The following RAD54L2 variants were observed in gnomAD, a reference collection of about 807,000 sequenced individuals.
RAD54L2 encodes RAD54 like 2.
Under a neutral mutation model 138.4 loss-of-function variants are expected in RAD54L2, and 27 were observed. The observed-to-expected ratio is 0.20, with a 90% CI of 0.14 to 0.27. The LOEUF is 0.27. RAD54L2 is among the 10% of genes least tolerant of loss of function. The pLI, the probability that RAD54L2 is intolerant of heterozygous loss-of-function variation, is 1.00. For synonymous variants in RAD54L2, 644 were observed against 723.2 expected, an observed-to-expected ratio of 0.89 and a Z score of 1.76; for missense variants, 1,396 against 1,890.2, an observed-to-expected ratio of 0.74 and a Z score of 4.85.
chr3:51,651,715 G>T (rs1701441790), intron 19 of RAD54L2, among the ~76,000 whole-genome samples: 1 of 152,146 alleles, frequency 6.6e-6, no homozygotes, highest in South Asian at 2.1e-4. Context: ...ATGCAGAAAA[G>T]GCATTCGACA....
intron 2 of RAD54L2, among the ~76,000 whole-genome samples, chr3:51,587,307 T>C (rs1577405399): frequency 1.3e-5 from 2 of 151,944 alleles, no homozygotes; most frequent in East Asian, 3.9e-4. Context: ...TTCACACGTG[T>C]TAGCCAGGAT....
intron 6 of RAD54L2, 141 bp from the exon 7 acceptor site, chr3:51,630,562 AAG>A: frequency 1.0e-6 from 1 of 979,010 alleles, no homozygotes. Flanking sequence ...TTGAAGCTGA[AAG>A]AGAGAAATAG....
At chr3:51,561,607 C>T (rs1699100956) in intron 2 of RAD54L2, among the ~76,000 whole-genome samples, 1 of 151,766 alleles carries the variant, frequency 6.6e-6, no homozygotes, top group Non-Finnish European at 1.5e-5. Flanking sequence ...TTTTGCCCAC[C>T]CTGGAGTGCA....
intron 2 of RAD54L2, among the ~76,000 whole-genome samples, chr3:51,565,836 C>CCT (rs1559618927): frequency 3.6e-4 from 49 of 136,000 alleles, no homozygotes; most frequent in Non-Finnish European, 4.6e-4. Context: ...CCACCCCCCC[C>CCT]TTTTTTTTTT....
chr3:51,635,724 A>G lies in RAD54L2; in HGVS notation c.1274A>G (p.Lys425Arg), dbSNP rs1700969055. ...GCCACAGGTAGACCGAAGAAAACCA[A>G]GAAGCGTTCTCACCCAGTCATCATT... ...SFATGRPKKT[K>R]KRSHPVIIDL... Residue 425 changes from lysine (K) to arginine (R), a missense_variant, in exon 10 of 23, where the codon AAG (lysine) becomes AGG (arginine). Physicochemically the swap from Lys to Arg is conservative, Grantham distance 26. Around this residue, in one of 7 missense-constraint regions of RAD54L2, gnomAD observed 169 missense variants for 235.6 expected, o/e 0.72. Coordinates refer to ENST00000684192, the MANE Select transcript of RAD54L2 (RefSeq NM_015106.4). 1.2e-6 allele frequency: 2 copies of G among 1,613,762 alleles called. No individual in the cohort carries two copies. Among genetic ancestry groups the G allele is most frequent in the East Asian group, 2.2e-5 (1 of 44,888 alleles).
rs1176963332 is a variant in RAD54L2 at position 51,628,900 on chromosome 3, G to C, written c.342-434G>C. Reference sequence around the variant, plus strand: ...CTGGCTAATTTTTGTATTTTTAGTAGAGACGGGGTTTTGCCGTGTTAGCCA... The same window carrying C: ...CTGGCTAATTTTTGTATTTTTAGTACAGACGGGGTTTTGCCGTGTTAGCCA... On this transcript the variant is annotated intron_variant, in intron 4 of 22. Transcript: ENST00000684192. Among the ~76,000 whole-genome samples, 4 of 151,860 alleles carry C rather than the reference G, an allele frequency of 2.6e-5. No individual in the cohort carries two copies. In the East Asian group the frequency reaches 5.8e-4, roughly 22 times the overall value.
At chr3:51,563,563 A>T (rs1699146167) in intron 2 of RAD54L2, among the ~76,000 whole-genome samples, 1 of 152,222 alleles carries the variant, frequency 6.6e-6, no homozygotes, top group Non-Finnish European at 1.5e-5. Flanking sequence ...GCATTTTAGT[A>T]GAAGGACCTC....
chr3:51,623,727 G>C (rs955450005), intron 3 of RAD54L2, among the ~76,000 whole-genome samples: 1 of 152,150 alleles, frequency 6.6e-6, no homozygotes, highest in Non-Finnish European at 1.5e-5. Context: ...TGTAATCCCA[G>C]CACTTTGGGA....
intron 2 of RAD54L2, among the ~76,000 whole-genome samples, chr3:51,580,888 A>G (rs1304925555): frequency 6.6e-6 from 1 of 152,198 alleles, no homozygotes; most frequent in Non-Finnish European, 1.5e-5. Flanking sequence ...TCCAAATGCA[A>G]TAATATTAGT....
chr3:51,645,868 T>G lies in RAD54L2; in HGVS notation c.2829+105T>G, dbSNP rs1472235461. ...CATCTGAGGTGATGTTTCATGCAGG[T>G]GACTTGGACTCAAGGACTTCTTTTT... On this transcript the variant is annotated intron_variant, in intron 18 of 22. Coordinates refer to ENST00000684192, the MANE Select transcript of RAD54L2 (RefSeq NM_015106.4). The surrounding 1 kb of genome is among the most constrained non-coding windows in gnomAD (Gnocchi z 6.1). 1.6e-6 allele frequency: 2 copies of G among 1,237,990 alleles called. No homozygotes were observed. The allele number at this position is 1,237,990 out of a possible 1,614,324, so 76.7% of individuals were successfully genotyped here.
At chr3:51,542,625 G>A (rs1029629263) in intron 2 of RAD54L2, among the ~76,000 whole-genome samples, 2 of 151,926 alleles carry the variant, frequency 1.3e-5, no homozygotes, top group African/African-American at 2.4e-5. Flanking sequence ...CACCACACCC[G>A]GCTAATTTTT....
Position 51,662,609 on chromosome 3 carries a change from C to A in RAD54L2, c.3593C>A (p.Thr1198Asn), listed in dbSNP as rs1295321069. The change falls in exon 23 of 23, where the codon ACC becomes AAC. Residue 1198 changes from threonine to asparagine, a missense_variant. This residue lies in a region of RAD54L2 where 634 missense variants were observed against 711.2 expected (regional missense o/e 0.89). Transcript: ENST00000684192. This position sits in a 1 kb window ranked among gnomAD's most constrained non-coding sequence, Gnocchi z 4.6. ...ARESRQSSPS[T>N]NAALPGPPAQ... ...GAATCCCGTCAGAGCTCCCCAAGCA[C>A]CAATGCCGCCCTGCCTGGCCCCCCG... is the stretch of plus-strand genomic sequence containing the variant. 6.2e-7 allele frequency: 1 copy of A among 1,612,626 alleles called. No homozygotes were observed. Among genetic ancestry groups the A allele is most frequent in the African/African-American group, 1.3e-5 (1 of 74,910 alleles).
In RAD54L2 at chr3:51,612,606, A is replaced by G. The variant is rs1173508356; in HGVS notation, c.140-14947A>G. Among the ~76,000 whole-genome samples the G allele has an allele frequency of 2.6e-5, 4 of 152,110 alleles. No homozygotes were observed. In the South Asian group the frequency reaches 6.2e-4, roughly 24 times the overall value. On this transcript the variant is annotated intron_variant, in intron 3 of 22. Coordinates refer to ENST00000684192, the MANE Select transcript of RAD54L2 (RefSeq NM_015106.4). ...TTATTTTTGTATTCTAGATATACTA[A>G]TCCTTTGTTACTTATATACTTATGT...
intron 3 of RAD54L2, among the ~76,000 whole-genome samples, chr3:51,599,545 C>A (rs1041062636): frequency 6.6e-6 from 1 of 151,820 alleles, no homozygotes; most frequent in African/African-American, 2.4e-5. Flanking sequence ...ATCCAAGTAG[C>A]TTTTCTTTTC....
intron 3 of RAD54L2, among the ~76,000 whole-genome samples, chr3:51,599,745 CA>C (rs34126564): frequency 0.78 from 101,816 of 130,178 alleles, 39,614 homozygotes; most frequent in South Asian, 0.83. Context: ...TATTTTTTAC[CA>C]AAAAAAAAAA....
At chr3:51,581,386 C>T (rs1699605870) in intron 2 of RAD54L2, among the ~76,000 whole-genome samples, 1 of 152,204 alleles carries the variant, frequency 6.6e-6, no homozygotes, top group South Asian at 2.1e-4. Flanking sequence ...GCGTGAGGCA[C>T]TGTGCCTATT....
At chr3:51,660,389 A>G (rs1203233353) in intron 22 of RAD54L2, among the ~76,000 whole-genome samples, 5 of 151,152 alleles carry the variant, frequency 3.3e-5, no homozygotes, top group African/African-American at 7.3e-5. Flanking sequence ...GCTCACTGCA[A>G]GCTCTGCCTC....
chr3:51,578,310 G>A (rs773165154), intron 2 of RAD54L2, among the ~76,000 whole-genome samples: 14 of 152,110 alleles, frequency 9.2e-5, no homozygotes, highest in East Asian at 7.7e-4. Context: ...ACTTCCTCAC[G>A]ACATTCTAGG....
chr3:51,582,922 C>T (rs1242573046), intron 2 of RAD54L2, among the ~76,000 whole-genome samples: 6 of 152,020 alleles, frequency 3.9e-5, no homozygotes, highest in Admixed American at 1.3e-4. Context: ...CCCGCCACCG[C>T]GCCCGGCTAA....
Sources: gnomAD v4.1 joint callset for allele counts (sites outside exome capture counted in the v4.1 genomes callset) on GRCh38, gnomAD v4.1.1 for gene constraint, gnomAD v4.1.1 regional missense constraint, Gnocchi (gnomAD v3.1) non-coding constraint, MANE v1.5 for transcripts, NCBI Gene and HGNC (gene_info 2026-07-23, HGNC 2026-07-21) for gene names.